Variants in DCAF8L2 observed in about 807,000 individuals in gnomAD.
DCAF8L2 encodes the protein DDB1 and CUL4 associated factor 8 like 2.
For missense variants in DCAF8L2, 430 were observed against 490.7 expected, an observed-to-expected ratio of 0.88 and a Z score of 1.17; for synonymous variants, 200 against 190.9, an observed-to-expected ratio of 1.05 and a Z score of -0.39.
upstream of DCAF8L2, among the ~76,000 whole-genome samples, chrX:27,587,961 T>A (rs1235845018): frequency 1.6e-5 from 1 of 61,799 alleles, no homozygotes; most frequent in Non-Finnish European, 2.9e-5. Flanking sequence ...CTGAAGTGAC[T>A]TCAGTACTTC....
the DCAF8L2 span, among the ~76,000 whole-genome samples, chrX:27,571,547 C>G: frequency 9.0e-6 from 1 of 111,587 alleles, no homozygotes; most frequent in Non-Finnish European, 1.9e-5. Context: ...GCAACTTTTA[C>G]CAAAGAGAGA....
intron 4 of DCAF8L2, among the ~76,000 whole-genome samples, chrX:27,718,622 T>A (rs1931781878): frequency 9.0e-6 from 1 of 110,890 alleles, no homozygotes. Context: ...CCTGATCCAA[T>A]CAACTGAAGG....
intron 4 of DCAF8L2, among the ~76,000 whole-genome samples, chrX:27,736,745 A>G (rs1921542308): frequency 8.9e-6 from 1 of 111,991 alleles, no homozygotes; most frequent in African/African-American, 3.2e-5. Flanking sequence ...AGAAAGCAGC[A>G]GTTCTCAAAG....
At chrX:27,736,313 C>G (rs1921516075) in intron 4 of DCAF8L2, among the ~76,000 whole-genome samples, 1 of 111,629 alleles carries the variant, frequency 9.0e-6, no homozygotes, top group Admixed American at 9.5e-5. Flanking sequence ...TGCCACTGCC[C>G]TTAAGGTCAG....
chrX:27,469,278 T>A, the DCAF8L2 span, among the ~76,000 whole-genome samples: 1 of 112,158 alleles, frequency 8.9e-6, no homozygotes, highest in Non-Finnish European at 1.9e-5. Context: ...AATTCATAGA[T>A]CTTTTCTTCT....
At chrX:27,497,509 T>TTTCTCTTTCCTTCCTTCCTTCCTTCC in the DCAF8L2 span, among the ~76,000 whole-genome samples, 10 of 46,498 alleles carry the variant, frequency 2.2e-4, no homozygotes, top group African/African-American at 3.8e-4. Flanking sequence ...TCTTTCTTTC[T>TTTCTCTTTCCTTCCTTCCTTCCTTCC]TTCCTTCCTT....
intron 3 of DCAF8L2, among the ~76,000 whole-genome samples, chrX:27,713,155 G>A (rs1224420388): frequency 9.0e-6 from 1 of 111,642 alleles, no homozygotes; most frequent in Non-Finnish European, 1.9e-5. Context: ...ATAATTTTAT[G>A]TAAAGAAGAA....
At chrX:27,604,115 T>C (rs1926770526) in intron 1 of DCAF8L2, among the ~76,000 whole-genome samples, 1 of 111,340 alleles carries the variant, frequency 9.0e-6, no homozygotes, top group Non-Finnish European at 1.9e-5. Flanking sequence ...CATAACAGCC[T>C]TTTGCATTCA....
the DCAF8L2 span, among the ~76,000 whole-genome samples, chrX:27,577,354 G>A: frequency 9.0e-6 from 1 of 111,729 alleles, no homozygotes; most frequent in African/African-American, 3.2e-5. Flanking sequence ...CTAAATCAAA[G>A]AAAAGTTTAC....
At chrX:27,628,088 A>G (rs1444637507) in intron 1 of DCAF8L2, among the ~76,000 whole-genome samples, 1 of 110,846 alleles carries the variant, frequency 9.0e-6, no homozygotes, top group Non-Finnish European at 1.9e-5. Context: ...AACAACTCTC[A>G]ATTTCCCCCA....
At chrX:27,703,522 T>G (rs1263513818) in intron 3 of DCAF8L2, among the ~76,000 whole-genome samples, 2 of 111,761 alleles carry the variant, frequency 1.8e-5, no homozygotes, top group African/African-American at 6.5e-5. Flanking sequence ...AAATAAACCC[T>G]TACTTTATGG....
intron 1 of DCAF8L2, among the ~76,000 whole-genome samples, chrX:27,600,255 A>G (rs1194201002): frequency 6.2e-5 from 7 of 112,321 alleles, no homozygotes; most frequent in Admixed American, 5.7e-4. Context: ...TAAATTGACA[A>G]GAAGACACTG....
chrX:27,627,073 C>CAA (rs766269451), intron 1 of DCAF8L2, among the ~76,000 whole-genome samples: 3 of 30,677 alleles, frequency 9.8e-5, no homozygotes, highest in African/African-American at 3.3e-4. Context: ...ATGTTAAGAC[C>CAA]AAAAAAAAAA....
chrX:27,521,247 C>T, the DCAF8L2 span, among the ~76,000 whole-genome samples: 2 of 111,951 alleles, frequency 1.8e-5, no homozygotes, highest in Non-Finnish European at 3.8e-5. Context: ...ATAATTTTTC[C>T]GTCACCAGAA....
At chrX:27,565,764 T>G in the DCAF8L2 span, among the ~76,000 whole-genome samples, 7 of 110,973 alleles carry the variant, frequency 6.3e-5, no homozygotes, top group African/African-American at 1.6e-4. Context: ...GAAAGTTTAA[T>G]AAGCGAAAGA....
the DCAF8L2 span, among the ~76,000 whole-genome samples, chrX:27,541,218 A>T: frequency 1.8e-5 from 2 of 112,022 alleles, no homozygotes; most frequent in African/African-American, 6.5e-5. Flanking sequence ...CAAAGCACGG[A>T]CAGCCATGTA....
At chrX:27,743,560 T>G (rs1921986947) in intron 4 of DCAF8L2, among the ~76,000 whole-genome samples, 1 of 107,704 alleles carries the variant, frequency 9.3e-6, no homozygotes, top group African/African-American at 3.4e-5. Flanking sequence ...CACGACCGGC[T>G]AATTTTTGTA....
the DCAF8L2 span, among the ~76,000 whole-genome samples, chrX:27,493,517 C>T: frequency 1.8e-5 from 2 of 109,116 alleles, no homozygotes; most frequent in Non-Finnish European, 3.8e-5. Flanking sequence ...TCAAGACCAG[C>T]CTGGCCAACG....
intron 4 of DCAF8L2, among the ~76,000 whole-genome samples, chrX:27,740,251 C>T (rs1043199100): frequency 2.7e-5 from 3 of 111,653 alleles, no homozygotes; most frequent in African/African-American, 9.8e-5. Flanking sequence ...TCAGCAAATG[C>T]TGCCTTTTCC....
Sources: gnomAD v4.1 joint callset for allele counts (sites outside exome capture counted in the v4.1 genomes callset) on GRCh38, gnomAD v4.1.1 for gene constraint, MANE v1.5 for transcripts, NCBI Gene and HGNC (gene_info 2026-07-23, HGNC 2026-07-21) for gene names.